Variants in ZNF43 observed in about 807,000 individuals in gnomAD.
ZNF43 encodes the protein zinc finger protein 39-like 1 (KOX 27).
In ZNF43, 44 loss-of-function variants were observed where a neutral mutation model predicts 68.4. The observed-to-expected ratio is 0.64, with a 90% CI of 0.51 to 0.83. The LOEUF (loss-of-function observed/expected upper bound fraction) is 0.83, where lower values mean the gene tolerates loss of function less well. Among genes scored for constraint, ZNF43 ranks in the 40% least tolerant of loss-of-function variants. The probability of loss-of-function intolerance (pLI) is 0.00; values close to 1 mark genes in which losing one functional copy is unlikely to be tolerated. For synonymous variants in ZNF43, 308 were observed against 307.8 expected, an observed-to-expected ratio of 1.00 and a Z score of -0.01; for missense variants, 896 against 933.2, an observed-to-expected ratio of 0.96 and a Z score of 0.52.
intron 1 of ZNF43, among the ~76,000 whole-genome samples, chr19:21,842,650 G>C (rs970408009): frequency 1.3e-5 from 2 of 152,092 alleles, no homozygotes; most frequent in African/African-American, 4.8e-5. Context: ...ATTGAGACTA[G>C]TTATATGGCA....
upstream of ZNF43, chr19:21,840,224 A>G (rs895635375): frequency 6.6e-6 from 1 of 152,240 alleles, no homozygotes; most frequent in Non-Finnish European, 1.5e-5. Context: ...GTGCTGAGGC[A>G]AAAGTACAGA....
At chr19:21,818,968 AT>A (rs1322471674) in intron 2 of ZNF43, 126 bp downstream of exon 2, 15 of 1,365,056 alleles carry the variant, frequency 1.1e-5, no homozygotes, top group Admixed American at 2.6e-5. Context: ...ACAAATCCCA[AT>A]TTTTTTGAAA....
chr19:21,849,984 G>A (rs889012390), intron 1 of ZNF43: 1 of 152,178 alleles, frequency 6.6e-6, no homozygotes, highest in Admixed American at 6.6e-5. Context: ...CTTTTCTGAG[G>A]GCAGAGACCA....
intron 1 of ZNF43, among the ~76,000 whole-genome samples, chr19:21,834,150 C>T (rs2038567930): frequency 6.6e-6 from 1 of 151,470 alleles, no homozygotes; most frequent in Non-Finnish European, 1.5e-5. Context: ...CCAGCCTGGT[C>T]AACATGGAAA....
At chr19:21,821,675 G>A (rs190872842) in intron 1 of ZNF43, among the ~76,000 whole-genome samples, 53 of 149,330 alleles carry the variant, frequency 3.5e-4, no homozygotes, top group Admixed American at 3.4e-3. Flanking sequence ...AAGTCATGGT[G>A]AGAATTCTGC....
At chr19:21,833,834 C>T (rs941029342) in intron 1 of ZNF43, among the ~76,000 whole-genome samples, 2 of 151,594 alleles carry the variant, frequency 1.3e-5, no homozygotes, top group South Asian at 2.1e-4. Flanking sequence ...TTGAGAACAG[C>T]GTGACCAACA....
chr19:21,836,179 A>C lies in ZNF43; in HGVS notation c.-141T>G. Reference sequence around the variant, plus strand: ...GACGCAGAGCTCCAACTGCAGCCAGAGACAAAGGCCCCGCCACATCCCGGA... The same window carrying C: ...GACGCAGAGCTCCAACTGCAGCCAGCGACAAAGGCCCCGCCACATCCCGGA... On this transcript the variant is annotated 5_prime_UTR_variant, in exon 1 of 4. Transcript: ENST00000354959. The C allele has an allele frequency of 1.3e-6, 2 of 1,524,608 alleles. No individual in the cohort carries two copies. Among genetic ancestry groups the C allele is most frequent in the African/African-American group, 1.4e-5 (1 of 72,694 alleles). 94.4% of individuals were successfully genotyped at this position (1,524,608 alleles called of 1,614,324 possible). A position where few individuals can be genotyped will look rare whatever the true frequency, so the allele number is the denominator to read the frequency against.
intron 1 of ZNF43, chr19:21,843,202 A>C (rs1272216097): frequency 1.1e-5 from 2 of 179,550 alleles, no homozygotes; most frequent in Non-Finnish European, 2.1e-5. Flanking sequence ...CCAAGGCAAG[A>C]GTATAGGGTC....
chr19:21,834,885 TAC>T (rs2038620958), intron 1 of ZNF43, among the ~76,000 whole-genome samples: 1 of 150,772 alleles, frequency 6.6e-6, no homozygotes, highest in Non-Finnish European at 1.5e-5. Flanking sequence ...ATCAAAAATA[TAC>T]AGATATCTAA....
chr19:21,835,328 G>T (rs917345803), intron 1 of ZNF43, among the ~76,000 whole-genome samples: 1 of 147,958 alleles, frequency 6.8e-6, no homozygotes, highest in Non-Finnish European at 1.5e-5. Flanking sequence ...ATTTGGGAAT[G>T]TCAGAAATAA....
rs1036032826 is a variant in ZNF43, at chr19:21,806,687, C to T, written c.*920G>A. On this transcript the variant is annotated 3_prime_UTR_variant, in exon 4 of 4. Coordinates refer to ENST00000354959, the MANE Select transcript of ZNF43 (RefSeq NM_003423.4). ...GTAATTTTTTCAAGATAAAAGTATA[C>T]TTTAATTGTAATTATAACTGAAAAT... 3 of 152,124 alleles carry T rather than the reference C, an allele frequency of 2.0e-5. No homozygotes were observed. Among genetic ancestry groups the T allele is most frequent in the African/African-American group, 7.2e-5 (3 of 41,420 alleles). 9.4% of individuals were successfully genotyped at this position (152,124 alleles called of 1,614,324 possible).
At chr19:21,836,340 A>C, upstream of ZNF43, 1 of 1,042,872 alleles carries the variant, frequency 9.6e-7, no homozygotes, top group Non-Finnish European at 1.2e-6. Flanking sequence ...TGAAAGAAGA[A>C]AGAATGACAG....
At chr19:21,831,805 T>C (rs1171541006) in intron 1 of ZNF43, among the ~76,000 whole-genome samples, 1 of 152,146 alleles carries the variant, frequency 6.6e-6, no homozygotes, top group East Asian at 1.9e-4. Flanking sequence ...ACAAAAAGAA[T>C]CAAATATCCA....
intron 1 of ZNF43, among the ~76,000 whole-genome samples, chr19:21,844,725 G>A (rs185465338): frequency 2.0e-5 from 3 of 150,354 alleles, no homozygotes; most frequent in Non-Finnish European, 3.0e-5. Flanking sequence ...GTGAAACCCC[G>A]TCTCTACTAA....
intron 1 of ZNF43, among the ~76,000 whole-genome samples, chr19:21,831,362 TTTTTA>T (rs569590021): frequency 3.3e-5 from 5 of 152,120 alleles, no homozygotes; most frequent in African/African-American, 7.2e-5. Flanking sequence ...TTTTTTTTAA[TTTTTA>T]TTTTATTTTT....
rs748544106 is a variant in ZNF43, at chr19:21,808,193, A to AT, written c.1843dup (p.Ile615AsnfsTer11). On this transcript the variant is annotated frameshift_variant, in exon 4 of 4. Transcript: ENST00000354959. LOFTEE classifies it high-confidence loss of function. The stretch of plus-strand genomic sequence containing the variant: ...TTTGTAGGGTTTTCCTCCAGTATGA[A>AT]TTTTTTTATGTGTAGTAAGGTTTGA... The AT allele has an allele frequency of 4.3e-6, 7 of 1,611,686 alleles. No individual in the cohort carries two copies. Among genetic ancestry groups the AT allele is most frequent in the African/African-American group, 1.3e-5 (1 of 74,326 alleles).
intron 3 of ZNF43, 70 bp from the exon 4 acceptor site, chr19:21,809,877 A>G (rs535812893): frequency 3.2e-5 from 45 of 1,384,744 alleles, no homozygotes; most frequent in African/African-American, 4.3e-5. Context: ...TATGTAACAT[A>G]TAAAATCACA....
At chr19:21,824,744 A>AAG (rs1167569130) in intron 1 of ZNF43, among the ~76,000 whole-genome samples, 2 of 151,694 alleles carry the variant, frequency 1.3e-5, no homozygotes, top group African/African-American at 4.8e-5. Flanking sequence ...AAAAAAAAAA[A>AAG]AAAAAAAGAA....
intron 1 of ZNF43, among the ~76,000 whole-genome samples, chr19:21,832,236 T>C (rs2038456279): frequency 6.6e-6 from 1 of 151,990 alleles, no homozygotes; most frequent in African/African-American, 2.4e-5. Flanking sequence ...GCCACACACC[T>C]ACAACCATCT....
Sources: allele counts gnomAD v4.1 joint callset (sites outside exome capture counted in the v4.1 genomes callset), GRCh38; gene constraint gnomAD v4.1.1; transcripts MANE v1.5; gene names NCBI Gene and HGNC (gene_info 2026-07-23, HGNC 2026-07-21).